RNF175: variants seen among roughly 807,000 people sequenced by gnomAD.
RNF175 encodes the protein ring finger protein 175.
In RNF175, 38 loss-of-function variants were observed where a neutral mutation model predicts 50.0. That is an observed-to-expected ratio of 0.76 (90% CI 0.59 to 1.00). The LOEUF is 1.00. Ranked by LOEUF, RNF175 falls within the 50% of genes least tolerant of loss-of-function variation. RNF175 has a pLI of 0.00. For missense variants in RNF175, 388 were observed against 409.6 expected (o/e 0.95, Z 0.46); for synonymous variants, 155 against 146.1 (o/e 1.06, Z -0.44).
chr4:153,734,665 CTTTTTTTTTTTTT>C (rs56211482), intron 3 of RNF175, among the ~76,000 whole-genome samples: 55 of 73,184 alleles, frequency 7.5e-4, no homozygotes, highest in African/African-American at 4.4e-3. Flanking sequence ...TTTTTTTATT[CTTTTTTTTTTTTT>C]TTTTTTTTTT....
chr4:153,757,112 C>T (rs1220566243), intron 1 of RNF175, among the ~76,000 whole-genome samples: 2 of 152,182 alleles, frequency 1.3e-5, no homozygotes, highest in African/African-American at 4.8e-5. Context: ...AATGCTCTCC[C>T]TCCACTCCCA....
At chr4:153,758,378 A>G (rs1193843030) in intron 1 of RNF175, among the ~76,000 whole-genome samples, 1 of 152,098 alleles carries the variant, frequency 6.6e-6, no homozygotes, top group Non-Finnish European at 1.5e-5. Context: ...CCTGGACCAC[A>G]CTGTCTTGCC....
At position 153,722,761 on chromosome 4, in the gene RNF175, A is replaced by T. The variant is rs560338960; in HGVS notation, c.509+590T>A. Among the ~76,000 whole-genome samples the T allele has an allele frequency of 8.0e-4, 73 of 91,132 alleles. No homozygotes were observed. In the East Asian group the frequency reaches 0.014, roughly 17 times the overall value. The allele number at this position is 91,132 out of a possible 152,430, so 59.8% of individuals were successfully genotyped here. A position where few individuals can be genotyped will look rare whatever the true frequency, so the allele number is the denominator to read the frequency against. ...TTAAATTTTCTGGTAGGTGCATTTA[A>T]TAAGTCAAAAAAAAAAAACACAACA... On this transcript the variant is annotated intron_variant, in intron 5 of 8. Coordinates refer to ENST00000347063, the MANE Select transcript of RNF175 (RefSeq NM_173662.4).
At chr4:153,726,513 T>C (rs955904714) in intron 4 of RNF175, among the ~76,000 whole-genome samples, 12 of 152,228 alleles carry the variant, frequency 7.9e-5, no homozygotes, top group Non-Finnish European at 4.4e-5. Flanking sequence ...GAGCTTGATG[T>C]GCTCTCAAAG....
At position 153,735,336 on chromosome 4, in the gene RNF175, T is replaced by C. The variant is rs957362726; in HGVS notation, c.247-6975A>G. Among the ~76,000 whole-genome samples, 6 of 152,096 alleles carry C rather than the reference T, an allele frequency of 3.9e-5. No individual in the cohort carries two copies. In the East Asian group the frequency reaches 1.2e-3, roughly 29 times the overall value. ...GTCCTTTGTCATGGATCAGTGACTG[T>C]ATTTGTTTGGGGGTCTATTTGTGGG... On this transcript the variant is annotated intron_variant, in intron 3 of 8. Transcript: ENST00000347063.
intron 3 of RNF175, 198 bp downstream of exon 3, chr4:153,748,447 A>G (rs546590785): frequency 1.1e-5 from 5 of 450,232 alleles, no homozygotes; most frequent in Admixed American, 4.2e-5. Context: ...TTCACCCCCC[A>G]CAAGTCTTGA....
In RNF175 at chr4:153,759,848, C is replaced by G. The variant is rs956956241; in HGVS notation, c.15G>C (p.Thr5=). MAAG[T]AARKAAPVLE... is the part of the protein sequence containing the mutation. ...GCACCGGCGCTGCCTTCCGCGCCGCCGTCCCCGCGGCCATGCCTGAGCCAC... is the reference window on the plus strand; with the variant it reads ...GCACCGGCGCTGCCTTCCGCGCCGCGGTCCCCGCGGCCATGCCTGAGCCAC... The change falls in exon 1 of 9, where the codon ACG becomes ACC. Residue 5 remains threonine (T), a synonymous_variant. Transcript: ENST00000347063. 4.1e-6 allele frequency: 6 copies of G among 1,459,270 alleles called. No individual in the cohort carries two copies. Among genetic ancestry groups the G allele is most frequent in the African/African-American group, 1.5e-5 (1 of 67,640 alleles). The allele number at this position is 1,459,270 out of a possible 1,614,324, so 90.4% of individuals were successfully genotyped here. A position where few individuals can be genotyped will look rare whatever the true frequency, so the allele number is the denominator to read the frequency against.
chr4:153,717,286 GC>G (rs1192709479), intron 6 of RNF175, among the ~76,000 whole-genome samples: 1 of 151,940 alleles, frequency 6.6e-6, no homozygotes, highest in Admixed American at 6.6e-5. Flanking sequence ...TTTGTTTTTA[GC>G]ATTTTCTTGC....
chr4:153,751,124 A>G (rs1012986846), intron 2 of RNF175, among the ~76,000 whole-genome samples: 1 of 152,270 alleles, frequency 6.6e-6, no homozygotes, highest in Admixed American at 6.5e-5. Context: ...AGTATGCACC[A>G]GAACACAGGG....
intron 6 of RNF175, among the ~76,000 whole-genome samples, chr4:153,716,753 ACT>A (rs1440434972): frequency 1.3e-5 from 2 of 152,002 alleles, no homozygotes; most frequent in East Asian, 3.9e-4. Context: ...CAGGCTGGAA[ACT>A]CTGGCAAGAT....
intron 3 of RNF175, among the ~76,000 whole-genome samples, chr4:153,740,233 T>C (rs1234611802): frequency 6.6e-6 from 1 of 152,102 alleles, no homozygotes; most frequent in African/African-American, 2.4e-5. Flanking sequence ...TCTGATTACA[T>C]TACCCATCTA....
Position 153,759,867 on chromosome 4 carries a change from G to A in RNF175, c.-5C>T. On this transcript the variant is annotated 5_prime_UTR_variant, in exon 1 of 9. Coordinates refer to ENST00000347063, the MANE Select transcript of RNF175 (RefSeq NM_173662.4). ...CGCCGCCGTCCCCGCGGCCATGCCT[G>A]AGCCACTGTGCCTTCTCCAGGGCAC... 1 of 1,439,966 alleles carries A rather than the reference G, an allele frequency of 6.9e-7. No individual in the cohort carries two copies. Among genetic ancestry groups the A allele is most frequent in the Non-Finnish European group, 9.1e-7 (1 of 1,104,144 alleles). 89.2% of individuals were successfully genotyped at this position (1,439,966 alleles called of 1,614,324 possible).
At chr4:153,756,081 C>T (rs1740547947) in intron 1 of RNF175, among the ~76,000 whole-genome samples, 1 of 152,160 alleles carries the variant, frequency 6.6e-6, no homozygotes, top group Non-Finnish European at 1.5e-5. Context: ...TGGGCATTTA[C>T]TTTCTTTTTT....
At position 153,759,781 on chromosome 4, in the gene RNF175, G is replaced by A; in HGVS notation, c.66+16C>T. 2 of 1,464,842 alleles carry A rather than the reference G, an allele frequency of 1.4e-6. No homozygotes were observed. Among genetic ancestry groups the A allele is most frequent in the Non-Finnish European group, 1.8e-6 (2 of 1,111,186 alleles). 90.7% of individuals were successfully genotyped at this position (1,464,842 alleles called of 1,614,324 possible). ...CCGGCCTGGCGTCCCCCACGCCCGC[G>A]CCCCCGCGCCAGTACCTGCTCCTGC... On this transcript the variant is annotated intron_variant, in intron 1 of 8. Coordinates refer to ENST00000347063, the MANE Select transcript of RNF175 (RefSeq NM_173662.4).
At position 153,722,503 on chromosome 4, in the gene RNF175, C is replaced by T. The variant is rs182302180; in HGVS notation, c.509+848G>A. 1.2e-3 allele frequency among the ~76,000 whole-genome samples: 180 copies of T among 152,186 alleles called. 6 individuals are homozygous for T. The highest frequency in any genetic ancestry group is 9.7e-3 in the Admixed American group (148 of 15,288). On this transcript the variant is annotated intron_variant, in intron 5 of 8. Coordinates refer to ENST00000347063, the MANE Select transcript of RNF175 (RefSeq NM_173662.4). The stretch of plus-strand genomic sequence containing the variant: ...AAATTATTTTTGAGACGAGGTCTGG[C>T]CATGTTGACCAGGCTGGTCTTGAAC...
At chr4:153,747,895 T>C (rs939007953) in intron 3 of RNF175, among the ~76,000 whole-genome samples, 10 of 152,248 alleles carry the variant, frequency 6.6e-5, no homozygotes, top group Admixed American at 1.3e-4. Flanking sequence ...CAGCAATGTA[T>C]TGCCTCATGG....
At chr4:153,742,325 G>T (rs561540989) in intron 3 of RNF175, among the ~76,000 whole-genome samples, 1 of 149,510 alleles carries the variant, frequency 6.7e-6, no homozygotes, top group Admixed American at 6.7e-5. Flanking sequence ...TGGCAAGGCA[G>T]TATAAGCAGA....
intron 3 of RNF175, chr4:153,748,287 T>A (rs1740086234): frequency 5.7e-6 from 1 of 174,696 alleles, no homozygotes; most frequent in Non-Finnish European, 1.2e-5. Flanking sequence ...GGAAAACTGG[T>A]TTACTTAAAC....
At chr4:153,727,493 T>C (rs1234729185) in intron 4 of RNF175, 1 of 152,264 alleles carries the variant, frequency 6.6e-6, no homozygotes, top group Non-Finnish European at 1.5e-5. Flanking sequence ...ATCATAAAAG[T>C]ATTTCACTGA....
Sources: allele counts gnomAD v4.1 joint callset (sites outside exome capture counted in the v4.1 genomes callset), GRCh38; gene constraint gnomAD v4.1.1; transcripts MANE v1.5; gene names NCBI Gene and HGNC (gene_info 2026-07-23, HGNC 2026-07-21).